EFNA2: variants seen among roughly 807,000 people sequenced by gnomAD.
EFNA2 encodes the protein ephrin-A2.
EFNA2 carries 18 observed loss-of-function variants against 19.7 expected under a neutral mutation model. The observed-to-expected ratio is 0.91, with a 90% CI of 0.63 to 1.35. The LOEUF (loss-of-function observed/expected upper bound fraction) is 1.35, where lower values mean the gene tolerates loss of function less well. Among genes scored for constraint, EFNA2 ranks in the 40% most tolerant of loss-of-function variants. The probability of loss-of-function intolerance (pLI) is 0.00; values close to 1 mark genes in which losing one functional copy is unlikely to be tolerated. For missense variants in EFNA2, 303 were observed against 296.0 expected (o/e 1.02, Z -0.17); for synonymous variants, 187 against 137.8 (o/e 1.36, Z -2.50).
intron 1 of EFNA2, among the ~76,000 whole-genome samples, chr19:1,288,698 C>T (rs543287937): frequency 2.5e-4 from 38 of 152,246 alleles, no homozygotes; most frequent in African/African-American, 8.4e-4. Flanking sequence ...CTCCACATCA[C>T]ACCCTCTCTG....
At chr19:1,285,590 G>C (rs967726181), upstream of EFNA2, among the ~76,000 whole-genome samples, 1 of 152,120 alleles carries the variant, frequency 6.6e-6, no homozygotes, top group Non-Finnish European at 1.5e-5. This position sits in a 1 kb window ranked among gnomAD's most constrained non-coding sequence, Gnocchi z 4.1. Context: ...GGGCAGGTGA[G>C]AGGCCCGGGA....
At chr19:1,293,505 C>A (rs2081500796) in intron 1 of EFNA2, among the ~76,000 whole-genome samples, 1 of 152,248 alleles carries the variant, frequency 6.6e-6, no homozygotes, top group African/African-American at 2.4e-5. Flanking sequence ...GAAAGGGAGC[C>A]TCTGAGAGGA....
chr19:1,295,721 A>C lies in EFNA2; in HGVS notation c.317A>C (p.Gln106Pro). The C allele has an allele frequency of 1.2e-6, 2 of 1,608,686 alleles. No homozygotes were observed. The highest frequency in any genetic ancestry group is 1.7e-6 in the Non-Finnish European group (2 of 1,178,012). ...GGCCACGCCTCCTGCGACCACCGCCAGCGCGGCTTCAAGCGCTGGGAGTGC... is the reference window on the plus strand; with the variant it reads ...GGCCACGCCTCCTGCGACCACCGCCCGCGCGGCTTCAAGCGCTGGGAGTGC... Reference protein sequence around the residue: ...GEGHASCDHRQRGFKRWECNR... With the variant: ...GEGHASCDHRPRGFKRWECNR... The change falls in exon 2 of 4, where the codon CAG becomes CCG. Residue 106 changes from glutamine (Q) to proline (P), a missense_variant. Transcript: ENST00000215368. This position sits in a 1 kb window ranked among gnomAD's most constrained non-coding sequence, Gnocchi z 5.8.
At chr19:1,290,915 G>A (rs59477367) in intron 1 of EFNA2, among the ~76,000 whole-genome samples, 16,876 of 152,250 alleles carry the variant, frequency 0.11, 1,060 homozygotes, top group Middle Eastern at 0.16. Flanking sequence ...TGGGGGGCTC[G>A]TGCCACACCT....
At chr19:1,299,159 A>G (rs2081528932) in intron 3 of EFNA2, among the ~76,000 whole-genome samples, 1 of 151,670 alleles carries the variant, frequency 6.6e-6, no homozygotes, top group Admixed American at 6.6e-5. Context: ...AATCACTTGA[A>G]CCCGGGAAGT....
chr19:1,293,035 C>G (rs1377274514), intron 1 of EFNA2, among the ~76,000 whole-genome samples: 3 of 152,154 alleles, frequency 2.0e-5, no homozygotes, highest in Non-Finnish European at 4.4e-5. Flanking sequence ...CAAGAAGTGT[C>G]CTGCTAGGAG....
In EFNA2 at chr19:1,301,148, C is replaced by G. The variant is rs1754576627; in HGVS notation, c.*1203C>G. ...AAAAAGAAACTCCTCCCCGAAGACACTTTAATGAAGGAAACAACACATTTA... is the reference window on the plus strand; with the variant it reads ...AAAAAGAAACTCCTCCCCGAAGACAGTTTAATGAAGGAAACAACACATTTA... On this transcript the variant is annotated 3_prime_UTR_variant, in exon 4 of 4. Transcript: ENST00000215368. 6.6e-6 allele frequency among the ~76,000 whole-genome samples: 1 copy of G among 150,540 alleles called. No homozygotes were observed. The highest frequency in any genetic ancestry group is 2.4e-5 in the African/African-American group (1 of 41,068).
In EFNA2 at chr19:1,295,923, A is replaced by C; in HGVS notation, c.454+65A>C. ...GCGGGGACGCGGGGGCGGGGCCAGG[A>C]AGTGGGCGGGACCACTGGGGTGGGG... On this transcript the variant is annotated intron_variant, in intron 2 of 3. Transcript: ENST00000215368. The surrounding 1 kb of genome is among the most constrained non-coding windows in gnomAD (Gnocchi z 5.8). 7.7e-7 allele frequency: 1 copy of C among 1,293,812 alleles called. No homozygotes were observed. Among genetic ancestry groups the C allele is most frequent in the Non-Finnish European group, 1.0e-6 (1 of 981,306 alleles). 80.1% of individuals were successfully genotyped at this position (1,293,812 alleles called of 1,614,324 possible).
rs1231956213 is a variant in EFNA2 at position 1,295,871 on chromosome 19, G to C, written c.454+13G>C. On this transcript the variant is annotated intron_variant, in intron 2 of 3. Coordinates refer to ENST00000215368, the MANE Select transcript of EFNA2 (RefSeq NM_001405.4). The surrounding 1 kb of genome is among the most constrained non-coding windows in gnomAD (Gnocchi z 5.8). ...TATTACTACATCTGTGAGTGGGGTC[G>C]GGCCGGGGCTGCCGGGGCCCGAGTG... is the stretch of plus-strand genomic sequence containing the variant. 5.7e-6 allele frequency: 9 copies of C among 1,566,234 alleles called. No individual in the cohort carries two copies. The highest frequency in any genetic ancestry group is 6.9e-6 in the Non-Finnish European group (8 of 1,163,870).
intron 3 of EFNA2, among the ~76,000 whole-genome samples, chr19:1,299,032 G>A (rs2081528441): frequency 6.6e-6 from 1 of 152,180 alleles, no homozygotes; most frequent in Non-Finnish European, 1.5e-5. Flanking sequence ...GAGGTCAGGA[G>A]TTTGAGACCA....
At chr19:1,284,516 A>G (rs541655343), upstream of EFNA2, among the ~76,000 whole-genome samples, 1 of 152,234 alleles carries the variant, frequency 6.6e-6, no homozygotes, top group Non-Finnish European at 1.5e-5. This position sits in a 1 kb window ranked among gnomAD's most constrained non-coding sequence, Gnocchi z 5.3. Context: ...ACAGGAAGAA[A>G]AAGTGGAAGG....
intron 1 of EFNA2, among the ~76,000 whole-genome samples, chr19:1,290,012 G>A (rs1195779162): frequency 6.6e-6 from 1 of 151,986 alleles, no homozygotes; most frequent in Non-Finnish European, 1.5e-5. Context: ...TGGAGGCCGT[G>A]GGGTACCTGG....
intron 1 of EFNA2, among the ~76,000 whole-genome samples, chr19:1,292,555 ACTGCAGGCAGTGGGAACAGCAG>A (rs1965699420): frequency 6.6e-6 from 1 of 152,188 alleles, no homozygotes; most frequent in Non-Finnish European, 1.5e-5. Context: ...AGGGAACAGC[ACTGCAGGCAGTGGGAACAGCAG>A]CTGCAGAGGC....
chr19:1,291,123 C>T (rs2081489589), intron 1 of EFNA2, among the ~76,000 whole-genome samples: 2 of 152,192 alleles, frequency 1.3e-5, no homozygotes, highest in South Asian at 2.1e-4. Flanking sequence ...CCACCTGGGG[C>T]CGGCCCGGGG....
chr19:1,292,209 T>A (rs2081494899), intron 1 of EFNA2, among the ~76,000 whole-genome samples: 1 of 152,210 alleles, frequency 6.6e-6, no homozygotes, highest in Non-Finnish European at 1.5e-5. Context: ...ACCTCGGGCT[T>A]GCCCGCCAAC....
rs769393171 is a variant in EFNA2 at position 1,295,906 on chromosome 19, G to T, written c.454+48G>T. 2 of 1,500,068 alleles carry T rather than the reference G, an allele frequency of 1.3e-6. No individual in the cohort carries two copies. Among genetic ancestry groups the T allele is most frequent in the Non-Finnish European group, 1.8e-6 (2 of 1,127,156 alleles). 92.9% of individuals were successfully genotyped at this position (1,500,068 alleles called of 1,614,324 possible). A position where few individuals can be genotyped will look rare whatever the true frequency, so the allele number is the denominator to read the frequency against. On this transcript the variant is annotated intron_variant, in intron 2 of 3. Coordinates refer to ENST00000215368, the MANE Select transcript of EFNA2 (RefSeq NM_001405.4). The surrounding 1 kb of genome is among the most constrained non-coding windows in gnomAD (Gnocchi z 5.8). ...TGCCGGGGCCCGAGTGGGCGGGGACGCGGGGGCGGGGCCAGGAAGTGGGCG... is the reference window on the plus strand; with the variant it reads ...TGCCGGGGCCCGAGTGGGCGGGGACTCGGGGGCGGGGCCAGGAAGTGGGCG...
chr19:1,291,237 G>T (rs2081490261), intron 1 of EFNA2, among the ~76,000 whole-genome samples: 1 of 152,158 alleles, frequency 6.6e-6, no homozygotes, highest in Non-Finnish European at 1.5e-5. Flanking sequence ...GCCCAGGTGG[G>T]GCTGACCCTG....
chr19:1,287,954 G>A lies in EFNA2; in HGVS notation c.140+1646G>A, dbSNP rs965340579. Among the ~76,000 whole-genome samples the A allele has an allele frequency of 2.0e-5, 3 of 152,260 alleles. No homozygotes were observed. Among genetic ancestry groups the A allele is most frequent in the South Asian group, 2.1e-4 (1 of 4,836 alleles). On this transcript the variant is annotated intron_variant, in intron 1 of 3. Transcript: ENST00000215368. The surrounding 1 kb of genome is among the most constrained non-coding windows in gnomAD (Gnocchi z 6.2). Reference sequence around the variant, plus strand: ...GCCACAGGGCTGTGGGCTGCGGGCCGGACCCCCGGCCAGGGGAAGGAAGTG... The same window carrying A: ...GCCACAGGGCTGTGGGCTGCGGGCCAGACCCCCGGCCAGGGGAAGGAAGTG...
At chr19:1,289,912 T>C (rs558346674) in intron 1 of EFNA2, among the ~76,000 whole-genome samples, 3 of 151,952 alleles carry the variant, frequency 2.0e-5, no homozygotes, top group Admixed American at 1.3e-4. Flanking sequence ...TTTTTTGTTT[T>C]GTTTGAGAGA....
Sources: allele counts gnomAD v4.1 joint callset (sites outside exome capture counted in the v4.1 genomes callset), GRCh38; gene constraint gnomAD v4.1.1; non-coding constraint Gnocchi (gnomAD v3.1); transcripts MANE v1.5; gene names NCBI Gene and HGNC (gene_info 2026-07-23, HGNC 2026-07-21).